PREB: variants seen among roughly 807,000 people sequenced by gnomAD.
PREB encodes guanine nucleotide-exchange factor SEC12.
A neutral mutation model predicts 46.7 loss-of-function variants in PREB; 29 were observed. The observed-to-expected ratio is 0.62, with a 90% CI of 0.46 to 0.85. PREB has a LOEUF of 0.85. Ranked by LOEUF, PREB falls within the 40% of genes least tolerant of loss-of-function variation. The pLI is 0.00. For synonymous variants in PREB, 224 were observed against 220.1 expected (o/e 1.02, Z -0.16); for missense variants, 494 against 528.4 (o/e 0.93, Z 0.64).
intron 1 of PREB, 64 bp downstream of exon 1, chr2:27,134,223 C>A: frequency 6.8e-7 from 1 of 1,468,914 alleles, no homozygotes; most frequent in South Asian, 1.4e-5. Context: ...CGCGACCCCC[C>A]GGCCACCCTG....
intron 2 of PREB, 94 bp from the exon 3 acceptor site, chr2:27,133,431 G>A: frequency 6.3e-7 from 1 of 1,593,840 alleles, no homozygotes; most frequent in Non-Finnish European, 8.6e-7. Context: ...CTTCTAGCTT[G>A]CTACCAAAAC....
At position 27,132,540 on chromosome 2, in the gene PREB, T is replaced by C. The variant is rs1478273472; in HGVS notation, c.752+63A>G. 3 of 1,607,586 alleles carry C rather than the reference T, an allele frequency of 1.9e-6. No individual in the cohort carries two copies. Among genetic ancestry groups the C allele is most frequent in the African/African-American group, 1.3e-5 (1 of 74,664 alleles). On this transcript the variant is annotated intron_variant, in intron 5 of 8. Transcript: ENST00000260643. This position sits in a 1 kb window ranked among gnomAD's most constrained non-coding sequence, Gnocchi z 4.0. ...TCCCCAGCTCTCCCATCCCCAGTCT[T>C]TTCCCTCTCCCCCACCACAGCTGGG...
At position 27,134,602 on chromosome 2, in the gene PREB, C is replaced by T. The variant is rs1672428430; in HGVS notation, c.-181G>A. 7 of 1,335,184 alleles carry T rather than the reference C, an allele frequency of 5.2e-6. No individual in the cohort carries two copies. Among genetic ancestry groups the T allele is most frequent in the South Asian group, 3.9e-5 (2 of 51,070 alleles). The allele number at this position is 1,335,184 out of a possible 1,614,324, so 82.7% of individuals were successfully genotyped here. On this transcript the variant is annotated 5_prime_UTR_variant, in exon 1 of 9. Coordinates refer to ENST00000260643, the MANE Select transcript of PREB (RefSeq NM_013388.6). ...ATCAGCAGGAAGCCGAGCCTCAGCTCGGCTCCGTCCAAGTCGGTCTCGCAG... is the reference window on the plus strand; with the variant it reads ...ATCAGCAGGAAGCCGAGCCTCAGCTTGGCTCCGTCCAAGTCGGTCTCGCAG...
rs1672340999 is a variant in PREB, at chr2:27,132,844, T to C, written c.626A>G (p.Lys209Arg). The C allele has an allele frequency of 6.6e-7, 1 of 1,523,814 alleles. No homozygotes were observed. The highest frequency in any genetic ancestry group is 1.4e-5 in the African/African-American group (1 of 72,066). The allele number at this position is 1,523,814 out of a possible 1,614,324, so 94.4% of individuals were successfully genotyped here. A position where few individuals can be genotyped will look rare whatever the true frequency, so the allele number is the denominator to read the frequency against. Reference protein sequence around the residue: ...IEDLALGPDGKLVTVGRDLKA... With the variant: ...IEDLALGPDGRLVTVGRDLKA... ...CTCCTCCCACCCCCAGCCCCTCACCTTGCCATCAGGCCCTAAAGCCAGGTC... is the reference window on the plus strand; with the variant it reads ...CTCCTCCCACCCCCAGCCCCTCACCCTGCCATCAGGCCCTAAAGCCAGGTC... Residue 209 changes from lysine (K) to arginine (R), a missense_variant and splice_region_variant, in exon 4 of 9, where the codon AAG becomes AGG. Lys to Arg is a conservative substitution (Grantham distance 26). Transcript: ENST00000260643. The surrounding 1 kb of genome is among the most constrained non-coding windows in gnomAD (Gnocchi z 4.0).
chr2:27,133,093 C>A (rs1416302453), intron 3 of PREB, 24 bp downstream of exon 3: 1 of 1,610,482 alleles, frequency 6.2e-7, no homozygotes, highest in South Asian at 1.1e-5. Context: ...GACATTCACC[C>A]TCCCTAACCC....
Position 27,133,131 on chromosome 2 carries a change from C to T in PREB, c.532G>A (p.Val178Ile), listed in dbSNP as rs747057181. ...LLATGGTDGY[V>I]RVWKVPSLEK... ...CAAACCCACACCTTCCAGACACGGA[C>T]GTAGCCATCTGTTCCTCCAGTGGCA... is the stretch of plus-strand genomic sequence containing the variant. Residue 178 changes from valine (V) to isoleucine (I), a missense_variant, in exon 3 of 9, where the codon GTC becomes ATC. Transcript: ENST00000260643. The T allele has an allele frequency of 1.1e-5, 17 of 1,614,032 alleles. No individual in the cohort carries two copies. Among genetic ancestry groups the T allele is most frequent in the East Asian group, 2.2e-5 (1 of 44,896 alleles).
At position 27,133,607 on chromosome 2, in the gene PREB, C is replaced by T; in HGVS notation, c.250G>A (p.Ala84Thr). ...NLALAGDILA[A>T]GQDAHCQLLR... is the part of the protein sequence containing the mutation. ...AGCTGACAGTGGGCATCCTGCCCTG[C>T]AGCAAGGATGTCACCAGCCAGTGCC... The change falls in exon 2 of 9, where the codon GCA (alanine) becomes ACA (threonine). Residue 84 changes from alanine to threonine, a missense_variant. By Grantham distance (58) the Ala-to-Thr change is moderately conservative. Transcript: ENST00000260643. 6.2e-7 allele frequency: 1 copy of T among 1,614,162 alleles called. No homozygotes were observed. Among genetic ancestry groups the T allele is most frequent in the East Asian group, 2.2e-5 (1 of 44,880 alleles).
intron 7 of PREB, 83 bp downstream of exon 7, chr2:27,131,927 T>C (rs1361087222): frequency 6.3e-7 from 1 of 1,591,456 alleles, no homozygotes; most frequent in African/African-American, 1.3e-5. Context: ...CTCGATAGGA[T>C]GGGCCAGACT....
Position 27,134,390 on chromosome 2 carries a change from C to T in PREB, c.32G>A (p.Arg11Gln), listed in dbSNP as rs767917957. The T allele has an allele frequency of 1.2e-6, 2 of 1,606,140 alleles. No homozygotes were observed. The highest frequency in any genetic ancestry group is 8.5e-7 in the Non-Finnish European group (1 of 1,177,834). Residue 11 changes from arginine (R) to glutamine (Q), a missense_variant, in exon 1 of 9, where the codon CGG becomes CAG. Transcript: ENST00000260643. Reference sequence around the variant, plus strand: ...AAGCGCGTACAACGGGAACGGAGCCCGGTACAGCTCTGGCGCCCGGCGCCG... The same window carrying T: ...AAGCGCGTACAACGGGAACGGAGCCTGGTACAGCTCTGGCGCCCGGCGCCG... MGRRRAPELY[R>Q]APFPLYALQV...
chr2:27,134,389 C>A lies in PREB; in HGVS notation c.33G>T (p.Arg11=). The A allele has an allele frequency of 6.2e-7, 1 of 1,608,246 alleles. No homozygotes were observed. The highest frequency in any genetic ancestry group is 8.5e-7 in the Non-Finnish European group (1 of 1,178,510). The change falls in exon 1 of 9, where the codon CGG becomes CGT. Residue 11 remains arginine, a synonymous_variant. Coordinates refer to ENST00000260643, the MANE Select transcript of PREB (RefSeq NM_013388.6). ...GAAGCGCGTACAACGGGAACGGAGC[C>A]CGGTACAGCTCTGGCGCCCGGCGCC... MGRRRAPELY[R]APFPLYALQV... is the part of the protein sequence containing the mutation.
chr2:27,132,122 G>A lies in PREB; in HGVS notation c.927-40C>T, dbSNP rs762678704. ...AAAGAGCTCATTGTCCTGGAGGCTT[G>A]TGCAGCAACCCTCATACCCCAATAC... is the stretch of plus-strand genomic sequence containing the variant. On this transcript the variant is annotated intron_variant, in intron 6 of 8. Coordinates refer to ENST00000260643, the MANE Select transcript of PREB (RefSeq NM_013388.6). The surrounding 1 kb of genome is among the most constrained non-coding windows in gnomAD (Gnocchi z 4.0). The A allele has an allele frequency of 1.2e-6, 2 of 1,611,448 alleles. No homozygotes were observed. Among genetic ancestry groups the A allele is most frequent in the South Asian group, 1.1e-5 (1 of 91,018 alleles).
In PREB at chr2:27,131,111, T is replaced by TA. The variant is rs71401560; in HGVS notation, c.*302dup. The TA allele has an allele frequency of 0.17, 87,492 of 512,356 alleles. 8,269 individuals are homozygous for TA. Among genetic ancestry groups the TA allele is most frequent in the African/African-American group, 0.28 (14,710 of 52,228 alleles). 31.7% of individuals were successfully genotyped at this position (512,356 alleles called of 1,614,324 possible). A position where few individuals can be genotyped will look rare whatever the true frequency, so the allele number is the denominator to read the frequency against. ...TTGGGCATCTTCACATGTTTCTAGA[T>TA]AAGGACAAGCTCAACTCTGGAGCCT... On this transcript the variant is annotated 3_prime_UTR_variant, in exon 9 of 9. Transcript: ENST00000260643.
At chr2:27,131,952 CAG>C in intron 7 of PREB, 56 bp downstream of exon 7, 1 of 1,596,050 alleles carries the variant, frequency 6.3e-7, no homozygotes, top group South Asian at 1.1e-5. Context: ...CCTGCAAACT[CAG>C]GGTAGAGACA....
In PREB at chr2:27,134,462, G is replaced by A. The variant is rs964974091; in HGVS notation, c.-41C>T. 2 of 1,455,562 alleles carry A rather than the reference G, an allele frequency of 1.4e-6. No homozygotes were observed. Among genetic ancestry groups the A allele is most frequent in the East Asian group, 2.7e-5 (1 of 37,272 alleles). 90.2% of individuals were successfully genotyped at this position (1,455,562 alleles called of 1,614,324 possible). ...TTCACTGCCCGCACCGCGGCACCCA[G>A]GACATGCCGCGCCGGGCCTTCGACT... On this transcript the variant is annotated 5_prime_UTR_variant, in exon 1 of 9. Transcript: ENST00000260643.
intron 1 of PREB, chr2:27,134,045 G>A (rs2148421047): frequency 1.6e-6 from 1 of 637,342 alleles, no homozygotes; most frequent in Non-Finnish European, 2.7e-6. Context: ...CTCTGAGGCG[G>A]AGCTGAAGCG....
At position 27,133,177 on chromosome 2, in the gene PREB, G is replaced by A. The variant is rs1022445242; in HGVS notation, c.486C>T (p.Phe162=). 2 of 1,614,094 alleles carry A rather than the reference G, an allele frequency of 1.2e-6. No individual in the cohort carries two copies. Among genetic ancestry groups the A allele is most frequent in the African/African-American group, 1.3e-5 (1 of 74,924 alleles). The change falls in exon 3 of 9, where the codon TTC becomes TTT. Residue 162 remains phenylalanine, a synonymous_variant. Coordinates refer to ENST00000260643, the MANE Select transcript of PREB (RefSeq NM_013388.6). ...SSDPLQKVVC[F]NHDNTLLATG... ...TGGCAAGCAGGGTATTATCGTGGTT[G>A]AAGCACACAACTTTCTGCAGTGGAT...
rs1672222319 is a variant in PREB, at chr2:27,130,866, C to G, written c.*548G>C. ...AAGGTAAGGGTAGACTACCTAGGAA[C>G]TTATTGCATCTTTAGGCCAGCTGGC... On this transcript the variant is annotated 3_prime_UTR_variant, in exon 9 of 9. Transcript: ENST00000260643. 8.7e-7 allele frequency: 1 copy of G among 1,150,254 alleles called. No individual in the cohort carries two copies. The highest frequency in any genetic ancestry group is 2.3e-5 in the Admixed American group (1 of 44,030). The allele number at this position is 1,150,254 out of a possible 1,614,324, so 71.3% of individuals were successfully genotyped here. A position where few individuals can be genotyped will look rare whatever the true frequency, so the allele number is the denominator to read the frequency against.
Position 27,132,258 on chromosome 2 carries a change from G to A in PREB, c.898C>T (p.His300Tyr). ...FLPLRTKSCG[H>Y]EVVSCLDVSE... ...ACATCGAGGCAGGAGACGACTTCATGGCCACAGGACTTGGTCCGAAGGGGC... is the reference window on the plus strand; with the variant it reads ...ACATCGAGGCAGGAGACGACTTCATAGCCACAGGACTTGGTCCGAAGGGGC... Residue 300 changes from histidine to tyrosine, a missense_variant, in exon 6 of 9, where the codon CAT (histidine) becomes TAT (tyrosine). Physicochemically the swap from His to Tyr is moderately conservative, Grantham distance 83. Transcript: ENST00000260643. This position sits in a 1 kb window ranked among gnomAD's most constrained non-coding sequence, Gnocchi z 4.0. 6.2e-7 allele frequency: 1 copy of A among 1,614,172 alleles called. No homozygotes were observed. The highest frequency in any genetic ancestry group is 8.5e-7 in the Non-Finnish European group (1 of 1,179,996).
Position 27,133,676 on chromosome 2 carries a change from A to G in PREB, c.181T>C (p.Leu61=), listed in dbSNP as rs765689610. ...GTCTCTGTGTCATGGGAGTGCAGCA[A>G]GGAGGCACTCAAGCGCCCATTAATC... ...ELINGRLSAS[L]LHSHDTETRA... The change falls in exon 2 of 9, where the codon TTG becomes CTG. Residue 61 remains leucine, a synonymous_variant. Transcript: ENST00000260643. The G allele has an allele frequency of 2.2e-5, 35 of 1,614,186 alleles. No homozygotes were observed. In the South Asian group the frequency reaches 3.6e-4, roughly 17 times the overall value.
Sources: allele counts gnomAD v4.1 joint callset, GRCh38; gene constraint gnomAD v4.1.1; non-coding constraint Gnocchi (gnomAD v3.1); transcripts MANE v1.5; gene names NCBI Gene and HGNC (gene_info 2026-07-23, HGNC 2026-07-21).